PTPRD: variants seen among roughly 807,000 people sequenced by gnomAD.
PTPRD encodes the protein protein tyrosine phosphatase receptor type D, also known as receptor-type tyrosine-protein phosphatase delta.
Under a neutral mutation model 214.5 loss-of-function variants are expected in PTPRD, and 34 were observed. The ratio of observed to expected loss-of-function variants is 0.16; its 90% CI spans 0.12 to 0.21. The LOEUF (loss-of-function observed/expected upper bound fraction) is 0.21. Among genes scored for constraint, PTPRD ranks in the 10% least tolerant of loss-of-function variants. The pLI, the probability that PTPRD is intolerant of heterozygous loss-of-function variation, is 1.00. For missense variants in PTPRD, 2,545 were observed against 2,398.7 expected (o/e 1.06, Z -1.27); for synonymous variants, 1,128 against 845.7 (o/e 1.33, Z -5.79).
chr9:8,341,953 A>G lies in PTPRD; in HGVS notation c.4687T>C (p.Phe1563Leu). The G allele has an allele frequency of 1.2e-6, 2 of 1,612,188 alleles. No individual in the cohort carries two copies. The highest frequency in any genetic ancestry group is 1.7e-6 in the Non-Finnish European group (2 of 1,179,174). The stretch of plus-strand genomic sequence containing the variant: ...TCTAACATGGCATCTATGACGATGA[A>G]GCAACCAGTCCGGCCAACTCCCGCA... ...CSAGVGRTGC[F>L]IVIDAMLERI... is the part of the protein sequence containing the mutation. Residue 1563 changes from phenylalanine to leucine, a missense_variant, in exon 40 of 46, where the codon TTC becomes CTC. Transcript: ENST00000381196.
intron 7 of PTPRD, among the ~76,000 whole-genome samples, chr9:9,593,224 C>T (rs1055279784): frequency 6.6e-6 from 1 of 150,800 alleles, no homozygotes; most frequent in Non-Finnish European, 1.5e-5. Context: ...TTTTTCCCCC[C>T]CCTCAAAGAA....
intron 10 of PTPRD, among the ~76,000 whole-genome samples, chr9:9,047,424 C>A (rs926478296): frequency 6.6e-6 from 1 of 151,952 alleles, no homozygotes; most frequent in Non-Finnish European, 1.5e-5. Flanking sequence ...TTTGGAACCA[C>A]AAAGGAACCA....
At chr9:8,934,344 T>C (rs893435967) in intron 11 of PTPRD, among the ~76,000 whole-genome samples, 1 of 145,434 alleles carries the variant, frequency 6.9e-6, no homozygotes, top group Non-Finnish European at 1.5e-5. Flanking sequence ...AGCTGGTACC[T>C]ACATTCCCCT....
At chr9:8,779,150 T>C (rs2095598690) in intron 11 of PTPRD, among the ~76,000 whole-genome samples, 1 of 152,100 alleles carries the variant, frequency 6.6e-6, no homozygotes, top group Non-Finnish European at 1.5e-5. Flanking sequence ...AGTATACCCA[T>C]AGCAGAAGGC....
chr9:10,088,227 A>G (rs1440956697), intron 3 of PTPRD, among the ~76,000 whole-genome samples: 1 of 151,816 alleles, frequency 6.6e-6, no homozygotes, highest in Non-Finnish European at 1.5e-5. Flanking sequence ...AATGAACTTT[A>G]TACCTACCAA....
intron 3 of PTPRD, among the ~76,000 whole-genome samples, chr9:10,149,854 C>T (rs902485896): frequency 4.6e-5 from 7 of 151,940 alleles, no homozygotes; most frequent in African/African-American, 1.5e-4. Context: ...CCTCAGCCTC[C>T]CCAGTAGCTG....
intron 12 of PTPRD, among the ~76,000 whole-genome samples, chr9:8,680,069 A>G (rs1238751072): frequency 6.6e-6 from 1 of 152,136 alleles, no homozygotes; most frequent in Non-Finnish European, 1.5e-5. Flanking sequence ...TATTTTATAT[A>G]TTAGATACTA....
At chr9:9,722,048 CTTT>C (rs558177911) in intron 7 of PTPRD, among the ~76,000 whole-genome samples, 14 of 151,734 alleles carry the variant, frequency 9.2e-5, no homozygotes, top group African/African-American at 3.4e-4. Flanking sequence ...ATCCCAGTTT[CTTT>C]TTTTTCTCCC....
At chr9:9,499,080 A>C (rs1392999841) in intron 8 of PTPRD, among the ~76,000 whole-genome samples, 2 of 152,054 alleles carry the variant, frequency 1.3e-5, no homozygotes, top group Non-Finnish European at 2.9e-5. Flanking sequence ...AATAGCACTA[A>C]ATTGTTTCTC....
chr9:9,944,756 A>G (rs565331917), intron 4 of PTPRD, among the ~76,000 whole-genome samples: 79 of 152,198 alleles, frequency 5.2e-4, no homozygotes, highest in African/African-American at 1.8e-3. Flanking sequence ...AGGTCAGGGT[A>G]ATGAGGAGAC....
chr9:10,498,683 A>T lies in PTPRD; in HGVS notation c.-600+113715T>A, dbSNP rs567198711. Among the ~76,000 whole-genome samples the T allele has an allele frequency of 2.0e-5, 3 of 152,100 alleles. No homozygotes were observed. In the South Asian group the frequency reaches 6.2e-4, roughly 31 times the overall value. The stretch of plus-strand genomic sequence containing the variant: ...GTAAGAACAATTGGTGTTGTATATT[A>T]TAAATAGCAATTAAGGTAAAATTTT... On this transcript the variant is annotated intron_variant, in intron 2 of 45. Coordinates refer to ENST00000381196, the MANE Select transcript of PTPRD (RefSeq NM_002839.4).
In PTPRD at chr9:9,015,402, C is replaced by G. The variant is rs570437316; in HGVS notation, c.-104+3295G>C. 8.5e-5 allele frequency among the ~76,000 whole-genome samples: 13 copies of G among 152,278 alleles called. No individual in the cohort carries two copies. In the South Asian group the frequency reaches 2.7e-3, roughly 32 times the overall value. ...CTGGTCGTCCTCACTGCTACACTCCCACCAGCGCCATGACAGTTTACAAAT... is the reference window on the plus strand; with the variant it reads ...CTGGTCGTCCTCACTGCTACACTCCGACCAGCGCCATGACAGTTTACAAAT... On this transcript the variant is annotated intron_variant, in intron 11 of 45. Transcript: ENST00000381196.
chr9:9,848,158 G>A (rs563161745), intron 5 of PTPRD, among the ~76,000 whole-genome samples: 77 of 152,206 alleles, frequency 5.1e-4, no homozygotes, highest in African/African-American at 1.8e-3. Flanking sequence ...TTTTCTGTCT[G>A]ATCTTTATAC....
chr9:10,268,963 G>A (rs1480187644), intron 3 of PTPRD, among the ~76,000 whole-genome samples: 2 of 152,008 alleles, frequency 1.3e-5, no homozygotes, highest in South Asian at 2.1e-4. Context: ...TCTAGCCATC[G>A]AATGTCAGTA....
intron 3 of PTPRD, among the ~76,000 whole-genome samples, chr9:10,075,485 A>G (rs10958870): frequency 0.11 from 17,345 of 151,822 alleles, 1,784 homozygotes; most frequent in African/African-American, 0.27. Flanking sequence ...TATATACTTT[A>G]TTATTTTATG....
intron 11 of PTPRD, among the ~76,000 whole-genome samples, chr9:8,946,164 G>T (rs2099062901): frequency 6.6e-6 from 1 of 152,096 alleles, no homozygotes; most frequent in Non-Finnish European, 1.5e-5. Context: ...AAGATAACCA[G>T]TTATTAACAT....
intron 3 of PTPRD, among the ~76,000 whole-genome samples, chr9:10,198,067 C>G (rs1593895734): frequency 6.6e-6 from 1 of 152,042 alleles, no homozygotes. Flanking sequence ...AAAAGCTTCT[C>G]TATTAAATAG....
At chr9:9,518,711 T>C (rs1161871989) in intron 8 of PTPRD, among the ~76,000 whole-genome samples, 1 of 152,044 alleles carries the variant, frequency 6.6e-6, no homozygotes, top group Non-Finnish European at 1.5e-5. Context: ...GAAAGAGTTT[T>C]AATGTAATGC....
At chr9:10,066,365 T>C (rs747216709) in intron 3 of PTPRD, among the ~76,000 whole-genome samples, 1 of 151,882 alleles carries the variant, frequency 6.6e-6, no homozygotes, top group Non-Finnish European at 1.5e-5. Flanking sequence ...TTTACAACCA[T>C]GGTTCCTTCT....
Sources: gnomAD v4.1 joint callset for allele counts (sites outside exome capture counted in the v4.1 genomes callset) on GRCh38, gnomAD v4.1.1 for gene constraint, MANE v1.5 for transcripts, NCBI Gene and HGNC (gene_info 2026-07-23, HGNC 2026-07-21) for gene names.